SELENOT: variants seen among roughly 807,000 people sequenced by gnomAD.
SELENOT encodes the protein thioredoxin reductase-like selenoprotein T.
SELENOT carries 9 observed loss-of-function variants against 24.3 expected under a neutral mutation model. The observed-to-expected ratio is 0.37, with a 90% CI of 0.22 to 0.65. The LOEUF is 0.65. Among genes scored for constraint, SELENOT ranks in the 30% least tolerant of loss-of-function variants. The probability of loss-of-function intolerance (pLI) is 0.60; values close to 1 mark genes in which losing one functional copy is unlikely to be tolerated. For synonymous variants in SELENOT, 81 were observed against 86.0 expected (o/e 0.94, Z 0.32); for missense variants, 166 against 247.6 (o/e 0.67, Z 2.21).
At chr3:150,621,567 T>C (rs898957395) in intron 1 of SELENOT, among the ~76,000 whole-genome samples, 1 of 151,378 alleles carries the variant, frequency 6.6e-6, no homozygotes, top group African/African-American at 2.4e-5. Context: ...TTGATATAAA[T>C]GTACCATCTT....
intron 1 of SELENOT, among the ~76,000 whole-genome samples, chr3:150,621,363 T>G (rs1275361387): frequency 6.6e-6 from 1 of 152,194 alleles, no homozygotes; most frequent in Non-Finnish European, 1.5e-5. Context: ...GCTGTTCCTT[T>G]GGCTTGGTAG....
At chr3:150,613,707 C>T (rs1365687147) in intron 1 of SELENOT, among the ~76,000 whole-genome samples, 1 of 134,456 alleles carries the variant, frequency 7.4e-6, no homozygotes, top group Non-Finnish European at 1.5e-5. Flanking sequence ...GAAAAAGACC[C>T]AGAGATGATT....
chr3:150,610,156 A>G (rs1008066789), intron 1 of SELENOT, among the ~76,000 whole-genome samples: 1 of 152,264 alleles, frequency 6.6e-6, no homozygotes, highest in African/African-American at 2.4e-5. Context: ...TTGTCACATT[A>G]CAGTGCTTAC....
At chr3:150,611,727 A>T (rs1726097038) in intron 1 of SELENOT, 1 of 1,568,110 alleles carries the variant, frequency 6.4e-7, no homozygotes, top group African/African-American at 1.4e-5. Context: ...CACAGTTGCC[A>T]GGAGCCCGGC....
intron 1 of SELENOT, among the ~76,000 whole-genome samples, chr3:150,614,859 A>AT (rs940535892): frequency 2.0e-5 from 3 of 151,498 alleles, no homozygotes; most frequent in Admixed American, 6.6e-5. Context: ...TTATTTATTT[A>AT]TTATTATTTT....
rs766191788 is a variant in SELENOT at position 150,603,416 on chromosome 3, G to C, written c.54G>C (p.Glu18Asp). The C allele has an allele frequency of 5.5e-5, 89 of 1,613,366 alleles. No homozygotes were observed. Among genetic ancestry groups the C allele is most frequent in the Non-Finnish European group, 7.2e-5 (85 of 1,179,590 alleles). Residue 18 changes from glutamate (E) to aspartate (D), a missense_variant, in exon 1 of 6, where the codon GAG (glutamate) becomes GAC (aspartate). Physicochemically the swap from Glu to Asp is conservative, Grantham distance 45 (BLOSUM62 2). Transcript: ENST00000471696. ...LVAASAMVRS[E>D]ASANLGGVPS... ...CGGCGTCTGCGATGGTCCGGAGCGA[G>C]GCCTCGGCCAATCTGGGCGGCGTGC...
chr3:150,611,352 T>A (rs1220588953), intron 1 of SELENOT: 3 of 1,190,422 alleles, frequency 2.5e-6, no homozygotes, highest in Non-Finnish European at 3.8e-6. Context: ...TTTCACTCAC[T>A]GGAATAGACC....
chr3:150,606,041 T>C (rs1047408342), intron 1 of SELENOT, among the ~76,000 whole-genome samples: 26 of 152,170 alleles, frequency 1.7e-4, no homozygotes, highest in Non-Finnish European at 2.9e-4. Context: ...TGTACCACTT[T>C]TGCAATTGTT....
chr3:150,622,441 G>A lies in SELENOT; in HGVS notation c.194G>A (p.Arg65Gln), dbSNP rs754412438. ...GAGTACATGCGGGTTATTAGCCAGCGGTACCCAGACATCCGCATTGAAGGA... is the reference window on the plus strand; with the variant it reads ...GAGTACATGCGGGTTATTAGCCAGCAGTACCCAGACATCCGCATTGAAGGA... ...FEEYMRVISQRYPDIRIEGEN... is the reference protein window; with the variant it reads ...FEEYMRVISQQYPDIRIEGEN... Residue 65 changes from arginine to glutamine, a missense_variant, in exon 2 of 6, where the codon CGG becomes CAG. Arg to Gln is a conservative substitution (Grantham distance 43, BLOSUM62 1). Transcript: ENST00000471696. 11 of 1,502,002 alleles carry A rather than the reference G, an allele frequency of 7.3e-6. No individual in the cohort carries two copies. The highest frequency in any genetic ancestry group is 3.9e-5 in the South Asian group (3 of 77,706). 93.0% of individuals were successfully genotyped at this position (1,502,002 alleles called of 1,614,324 possible).
At chr3:150,615,626 G>GGATGTGAA (rs1726194720) in intron 1 of SELENOT, among the ~76,000 whole-genome samples, 1 of 152,088 alleles carries the variant, frequency 6.6e-6, no homozygotes, top group Non-Finnish European at 1.5e-5. Flanking sequence ...AAAATACCTA[G>GGATGTGAA]GAATCCAACT....
intron 1 of SELENOT, among the ~76,000 whole-genome samples, chr3:150,612,412 G>A (rs184136553): frequency 1.6e-4 from 25 of 152,228 alleles, no homozygotes; most frequent in Admixed American, 1.3e-3. Context: ...TATTTTTAAT[G>A]TTGGTCATTC....
intron 1 of SELENOT, among the ~76,000 whole-genome samples, chr3:150,616,402 A>G (rs1468744096): frequency 2.8e-5 from 4 of 145,176 alleles, no homozygotes; most frequent in Non-Finnish European, 4.5e-5. Flanking sequence ...CTACCATCAG[A>G]GTGAACAGGC....
At chr3:150,617,697 A>G (rs1359724926) in intron 1 of SELENOT, among the ~76,000 whole-genome samples, 1 of 152,142 alleles carries the variant, frequency 6.6e-6, no homozygotes, top group Non-Finnish European at 1.5e-5. Context: ...CAGCTGTAAG[A>G]GAAATCACCT....
Position 150,628,165 on chromosome 3 carries a change from C to A in SELENOT, c.*536C>A, listed in dbSNP as rs1242978207. 1 of 152,290 alleles carries A rather than the reference C, an allele frequency of 6.6e-6. No individual in the cohort carries two copies. Among genetic ancestry groups the A allele is most frequent in the Non-Finnish European group, 1.5e-5 (1 of 68,008 alleles). 9.4% of individuals were successfully genotyped at this position (152,290 alleles called of 1,614,324 possible). ...TACAGTTTACAAAATATAGCAGATGCAAGATTATGGGGGAAATCCTATATT... is the reference window on the plus strand; with the variant it reads ...TACAGTTTACAAAATATAGCAGATGAAAGATTATGGGGGAAATCCTATATT... On this transcript the variant is annotated 3_prime_UTR_variant, in exon 6 of 6. Transcript: ENST00000471696.
intron 1 of SELENOT, among the ~76,000 whole-genome samples, chr3:150,619,877 G>C (rs976261428): frequency 6.6e-6 from 1 of 152,250 alleles, no homozygotes; most frequent in South Asian, 2.1e-4. Context: ...TAGGAAAAAG[G>C]GTTCCTTGGT....
chr3:150,604,962 G>A (rs951952045), intron 1 of SELENOT, among the ~76,000 whole-genome samples: 2 of 151,428 alleles, frequency 1.3e-5, no homozygotes, highest in African/African-American at 2.4e-5. Flanking sequence ...GCTTGAACCC[G>A]GGAAGCGGAG....
At chr3:150,613,545 A>G (rs1365788448) in intron 1 of SELENOT, among the ~76,000 whole-genome samples, 1 of 151,844 alleles carries the variant, frequency 6.6e-6, no homozygotes, top group Non-Finnish European at 1.5e-5. Context: ...GTGGAGTGTT[A>G]TGTGATATAA....
chr3:150,620,164 T>C (rs557508316), intron 1 of SELENOT, among the ~76,000 whole-genome samples: 1 of 152,336 alleles, frequency 6.6e-6, no homozygotes, highest in South Asian at 2.1e-4. Context: ...GGAATCTGAC[T>C]GTTAGTTCAG....
intron 4 of SELENOT, 95 bp from the exon 5 acceptor site, chr3:150,626,915 C>T: frequency 7.8e-7 from 1 of 1,281,830 alleles, no homozygotes; most frequent in Non-Finnish European, 1.1e-6. Context: ...TTTTGTATCC[C>T]AGTTGTGTAC....
Sources: allele counts gnomAD v4.1 joint callset (sites outside exome capture counted in the v4.1 genomes callset), GRCh38; gene constraint gnomAD v4.1.1; transcripts MANE v1.5; gene names NCBI Gene and HGNC (gene_info 2026-07-23, HGNC 2026-07-21).